The following UFL1 variants were observed in gnomAD, a reference collection of about 807,000 sequenced individuals.
UFL1 encodes UFM1 specific ligase 1, also known as E3 UFM1-protein ligase 1.
Under a neutral mutation model 99.3 loss-of-function variants are expected in UFL1, and 78 were observed. That is an observed-to-expected ratio of 0.79 (90% CI 0.65 to 0.95). The LOEUF is 0.95. Ranked by LOEUF, UFL1 falls within the 40% of genes least tolerant of loss-of-function variation. The pLI is 0.00. For missense variants in UFL1, 936 were observed against 937.0 expected (o/e 1.00, Z 0.01); for synonymous variants, 335 against 322.2 (o/e 1.04, Z -0.42).
intron 7 of UFL1, among the ~76,000 whole-genome samples, chr6:96,535,560 ATTG>A (rs1415875467): frequency 6.6e-6 from 1 of 151,998 alleles, no homozygotes; most frequent in African/African-American, 2.4e-5. Context: ...ATGAGATGAT[ATTG>A]TTATTATCCC....
chr6:96,524,857 C>T (rs1231355116), intron 3 of UFL1, among the ~76,000 whole-genome samples: 2 of 152,102 alleles, frequency 1.3e-5, no homozygotes, highest in Non-Finnish European at 2.9e-5. Flanking sequence ...TACCAAGGTA[C>T]ACTATAAACA....
At chr6:96,531,614 G>A (rs989576652) in intron 6 of UFL1, among the ~76,000 whole-genome samples, 18 of 152,218 alleles carry the variant, frequency 1.2e-4, no homozygotes, top group South Asian at 1.0e-3. Flanking sequence ...GTAGCTGGGT[G>A]GTAGGAATGG....
rs1486698255 is a variant in UFL1, at chr6:96,553,462, C to A, written c.2344C>A (p.Leu782Ile). 3.1e-6 allele frequency: 5 copies of A among 1,613,432 alleles called. No individual in the cohort carries two copies. The African/African-American group carries it at 5.3e-5, about 17-fold the overall frequency. ...AGAACTTTCTTCATCCATTAAAGAC[C>A]TTGTTCTCAAATCTAGGAAATCATC... ...LQELSSSIKD[L>I]VLKSRKSSVT... Residue 782 changes from leucine (L) to isoleucine (I), a missense_variant, in exon 19 of 19, where the codon CTT becomes ATT. Coordinates refer to ENST00000369278, the MANE Select transcript of UFL1 (RefSeq NM_015323.5).
rs140913857 is a variant in UFL1 at position 96,537,184 on chromosome 6, A to G, written c.803-190A>G. 7.2e-3 allele frequency among the ~76,000 whole-genome samples: 1,092 copies of G among 151,880 alleles called. 10 individuals are homozygous for G. Among genetic ancestry groups the G allele is most frequent in the African/African-American group, 0.022 (919 of 41,492 alleles). On this transcript the variant is annotated intron_variant, in intron 8 of 18. Coordinates refer to ENST00000369278, the MANE Select transcript of UFL1 (RefSeq NM_015323.5). ...TGAGTTGTACTTTTCAGTTTCTTCAATTATAATCATGGATTAGAACTTTGT... is the reference window on the plus strand; with the variant it reads ...TGAGTTGTACTTTTCAGTTTCTTCAGTTATAATCATGGATTAGAACTTTGT...
rs1242954236 is a variant in UFL1 at position 96,538,718 on chromosome 6, G to C, written c.1066G>C (p.Val356Leu). 2.5e-6 allele frequency: 4 copies of C among 1,611,484 alleles called. No homozygotes were observed. The highest frequency in any genetic ancestry group is 3.4e-5 in the Admixed American group (2 of 59,684). Reference sequence around the variant, plus strand: ...GGCATTCAGCAAACAGGCCTCAACTGTAGTCTTTAGCGACACTGTTGTAGT... The same window carrying C: ...GGCATTCAGCAAACAGGCCTCAACTCTAGTCTTTAGCGACACTGTTGTAGT... ...MRAFSKQAST[V>L]VFSDTVVVSE... The change falls in exon 10 of 19, where the codon GTA becomes CTA. Residue 356 changes from valine to leucine, a missense_variant. Val to Leu is a conservative substitution (Grantham distance 32). Transcript: ENST00000369278.
In UFL1 at chr6:96,552,668, A is replaced by T. The variant is rs753414306; in HGVS notation, c.2166+6A>T. The T allele has an allele frequency of 6.3e-7, 1 of 1,587,118 alleles. No homozygotes were observed. The highest frequency in any genetic ancestry group is 1.2e-5 in the South Asian group (1 of 85,878). Reference sequence around the variant, plus strand: ...TTAATAGTAAAATTCCAGAGGTATTACATTTTCAATACACTTGAAACTTTC... The same window carrying T: ...TTAATAGTAAAATTCCAGAGGTATTTCATTTTCAATACACTTGAAACTTTC... On this transcript the variant is annotated splice_donor_region_variant and intron_variant, in intron 18 of 18. Coordinates refer to ENST00000369278, the MANE Select transcript of UFL1 (RefSeq NM_015323.5).
At chr6:96,538,459 CAG>C (rs1294307993) in intron 9 of UFL1, among the ~76,000 whole-genome samples, 170 bp from the exon 10 acceptor site, 1 of 151,502 alleles carries the variant, frequency 6.6e-6, no homozygotes, top group Non-Finnish European at 1.5e-5. Context: ...TTTCAGAGCT[CAG>C]AGTGGTGATG....
chr6:96,551,113 G>A (rs532326175), intron 15 of UFL1, among the ~76,000 whole-genome samples: 1 of 151,916 alleles, frequency 6.6e-6, no homozygotes, highest in South Asian at 2.1e-4. Flanking sequence ...CTGGCACTGG[G>A]TAGAGAAAAA....
chr6:96,540,934 G>A (rs909217014), intron 11 of UFL1, among the ~76,000 whole-genome samples: 1 of 151,290 alleles, frequency 6.6e-6, no homozygotes, highest in East Asian at 1.9e-4. Flanking sequence ...CAGCCCAGTA[G>A]CCCTTTTTTG....
chr6:96,541,725 CTATT>C (rs1303098885), intron 11 of UFL1, among the ~76,000 whole-genome samples: 1 of 151,054 alleles, frequency 6.6e-6, no homozygotes, highest in Non-Finnish European at 1.5e-5. Flanking sequence ...TATAACTAGT[CTATT>C]TAATATTTTA....
At chr6:96,531,340 A>G (rs1211442702) in intron 6 of UFL1, among the ~76,000 whole-genome samples, 1 of 152,184 alleles carries the variant, frequency 6.6e-6, no homozygotes, top group African/African-American at 2.4e-5. Context: ...TTTCTAGTCC[A>G]ATACCGTAAG....
chr6:96,524,489 T>C, intron 3 of UFL1, 79 bp downstream of exon 3: 1 of 1,079,182 alleles, frequency 9.3e-7, no homozygotes, highest in South Asian at 1.6e-5. Context: ...TATTCACTAA[T>C]GCTGGTATCA....
chr6:96,536,196 AT>A, intron 7 of UFL1, 47 bp from the exon 8 acceptor site: 1 of 1,539,500 alleles, frequency 6.5e-7, no homozygotes, highest in African/African-American at 1.4e-5. Context: ...ACTTTTTAAG[AT>A]TTATACCTGG....
chr6:96,553,065 C>T (rs901378765), intron 18 of UFL1, among the ~76,000 whole-genome samples: 1 of 151,906 alleles, frequency 6.6e-6, no homozygotes, highest in Non-Finnish European at 1.5e-5. Flanking sequence ...TTGACTTTAC[C>T]ATAAGTCAAC....
Position 96,537,530 on chromosome 6 carries a change from GA to G in UFL1, c.961del (p.Thr321HisfsTer25). The G allele has an allele frequency of 1.3e-6, 2 of 1,595,736 alleles. No homozygotes were observed. The highest frequency in any genetic ancestry group is 1.7e-6 in the Non-Finnish European group (2 of 1,173,502). On this transcript the variant is annotated frameshift_variant, in exon 9 of 19. Transcript: ENST00000369278. LOFTEE classifies it high-confidence loss of function. ...EASVEEAISS[G>X]TWVDIAPLLP... Reference sequence around the variant, plus strand: ...TCAGTAGAAGAAGCCATCAGCTCTGGAACATGGGTTGATATTGCAGTATGTT... The same window carrying G: ...TCAGTAGAAGAAGCCATCAGCTCTGGACATGGGTTGATATTGCAGTATGTT...
chr6:96,552,337 A>G, intron 17 of UFL1, 145 bp from the exon 18 acceptor site: 1 of 810,416 alleles, frequency 1.2e-6, no homozygotes, highest in Non-Finnish European at 1.9e-6. Context: ...TTATGTGTGT[A>G]TATCCCATAT....
intron 12 of UFL1, among the ~76,000 whole-genome samples, chr6:96,544,791 C>T (rs1769978088): frequency 6.6e-6 from 1 of 151,020 alleles, no homozygotes; most frequent in Non-Finnish European, 1.5e-5. Context: ...TACAAGAAAA[C>T]ACTTCTCTAA....
Position 96,522,978 on chromosome 6 carries a change from G to A in UFL1, c.78-168G>A, listed in dbSNP as rs1582435259. 8.0e-6 allele frequency: 4 copies of A among 498,526 alleles called. No individual in the cohort carries two copies. In the East Asian group the frequency reaches 1.4e-4, roughly 18 times the overall value. The allele number at this position is 498,526 out of a possible 1,614,324, so 30.9% of individuals were successfully genotyped here. On this transcript the variant is annotated intron_variant, in intron 1 of 18. Coordinates refer to ENST00000369278, the MANE Select transcript of UFL1 (RefSeq NM_015323.5). Reference sequence around the variant, plus strand: ...TATGTAAACCTACTTACTCTGAAAGGTTTTTTTTTAACTTATTGAATCAGT... The same window carrying A: ...TATGTAAACCTACTTACTCTGAAAGATTTTTTTTTAACTTATTGAATCAGT...
intron 12 of UFL1, among the ~76,000 whole-genome samples, chr6:96,543,635 A>T (rs1485285108): frequency 6.6e-6 from 1 of 151,176 alleles, no homozygotes; most frequent in African/African-American, 2.4e-5. Context: ...AAAAAGGATG[A>T]AAACATCTTA....
Sources: allele counts gnomAD v4.1 joint callset (sites outside exome capture counted in the v4.1 genomes callset), GRCh38; gene constraint gnomAD v4.1.1; transcripts MANE v1.5; gene names NCBI Gene and HGNC (gene_info 2026-07-23, HGNC 2026-07-21).